The following PCDH15 variants were observed in gnomAD, a reference collection of about 807,000 sequenced individuals.
PCDH15 encodes the protein protocadherin related 15.
PCDH15 carries 129 observed loss-of-function variants against 178.5 expected under a neutral mutation model. That is an observed-to-expected ratio of 0.72 (90% CI 0.63 to 0.84). The LOEUF is 0.84. PCDH15 is among the 40% of genes least tolerant of loss of function. The pLI, the probability that PCDH15 is intolerant of heterozygous loss-of-function variation, is 0.00. For missense variants in PCDH15, 2,230 were observed against 2,099.9 expected (o/e 1.06, Z -1.21); for synonymous variants, 800 against 732.0 (o/e 1.09, Z -1.50).
chr10:53,870,796 T>C (rs1313539341), intron 26 of PCDH15, among the ~76,000 whole-genome samples: 1 of 152,194 alleles, frequency 6.6e-6, no homozygotes, highest in African/African-American at 2.4e-5. Context: ...ATGTTCTTTC[T>C]ATAAAATCAA....
chr10:55,549,992 T>G (rs1841972165), intron 2 of PCDH15, among the ~76,000 whole-genome samples: 1 of 152,070 alleles, frequency 6.6e-6, no homozygotes, highest in African/African-American at 2.4e-5. Context: ...TCTCTAAGAC[T>G]CAATGATTTT....
chr10:55,623,314 G>T (rs1295407881), intron 2 of PCDH15, among the ~76,000 whole-genome samples: 1 of 152,080 alleles, frequency 6.6e-6, no homozygotes, highest in Non-Finnish European at 1.5e-5. Flanking sequence ...GGTTGTAGTG[G>T]TTTTTTTGTT....
At chr10:54,863,468 G>C (rs1449303593) in intron 3 of PCDH15, among the ~76,000 whole-genome samples, 1 of 152,170 alleles carries the variant, frequency 6.6e-6, no homozygotes, top group Non-Finnish European at 1.5e-5. Context: ...CGTGAACCCA[G>C]GAGGCGGAGC....
chr10:53,846,023 T>TACACACACACACACAC (rs71461206), intron 28 of PCDH15, among the ~76,000 whole-genome samples: 147 of 147,142 alleles, frequency 1.0e-3, no homozygotes, highest in East Asian at 4.5e-3. Flanking sequence ...TGTATGTGTA[T>TACACACACACACACAC]ACACACACAC....
intron 1 of PCDH15, among the ~76,000 whole-genome samples, chr10:55,231,292 G>T (rs1022133452): frequency 6.6e-6 from 1 of 151,894 alleles, no homozygotes; most frequent in Non-Finnish European, 1.5e-5. Context: ...TTTTGTTGAA[G>T]GAGAATAAAA....
chr10:54,837,491 A>G (rs188638349), intron 3 of PCDH15, among the ~76,000 whole-genome samples: 226 of 152,338 alleles, frequency 1.5e-3, no homozygotes, highest in Middle Eastern at 6.8e-3. Flanking sequence ...CCTGGAAATT[A>G]TGATCACAAA....
intron 1 of PCDH15, among the ~76,000 whole-genome samples, chr10:54,728,840 T>C (rs917724929): frequency 6.6e-6 from 1 of 151,320 alleles, no homozygotes; most frequent in Non-Finnish European, 1.5e-5. Flanking sequence ...TGCAAATAAA[T>C]AAAATACCTA....
intron 2 of PCDH15, among the ~76,000 whole-genome samples, chr10:55,107,484 CTTTTTTTTTTTTTT>C (rs11290952): frequency 3.5e-5 from 3 of 86,246 alleles, no homozygotes; most frequent in African/African-American, 1.1e-4. Flanking sequence ...ATTCTCTTTC[CTTTTTTTTTTTTTT>C]TTTTTTTTTT....
At chr10:54,577,350 C>T (rs1294455860) in intron 2 of PCDH15, among the ~76,000 whole-genome samples, 1 of 151,792 alleles carries the variant, frequency 6.6e-6, no homozygotes, top group Non-Finnish European at 1.5e-5. Context: ...CCTCGGCCTC[C>T]CAAAGTGCTG....
chr10:54,206,308 A>G (rs2050790152), intron 10 of PCDH15, among the ~76,000 whole-genome samples: 1 of 152,160 alleles, frequency 6.6e-6, no homozygotes, highest in African/African-American at 2.4e-5. Flanking sequence ...AGATTCTGAA[A>G]ACTCTCACTT....
intron 2 of PCDH15, among the ~76,000 whole-genome samples, chr10:55,365,800 T>A (rs1165910738): frequency 2.6e-5 from 4 of 152,138 alleles, no homozygotes; most frequent in Non-Finnish European, 4.4e-5. Flanking sequence ...CTCTTTCTTT[T>A]GTAAATTGCC....
intron 2 of PCDH15, among the ~76,000 whole-genome samples, chr10:55,346,592 G>C (rs926035416): frequency 4.6e-5 from 7 of 151,842 alleles, no homozygotes; most frequent in African/African-American, 1.7e-4. Context: ...CTGGACCTTT[G>C]CAGTGAATGC....
In PCDH15 at chr10:54,197,537, T is replaced by C. The variant is rs1272473834; in HGVS notation, c.1099-1648A>G. Among the ~76,000 whole-genome samples, 3 of 152,270 alleles carry C rather than the reference T, an allele frequency of 2.0e-5. No homozygotes were observed. The East Asian group carries it at 5.8e-4, about 29-fold the overall frequency. ...AGTTGTATTTTTAAATCAATTAAAA[T>C]GAAAATAAAATATTTGATATTAAAC... On this transcript the variant is annotated intron_variant, in intron 10 of 37. Coordinates refer to ENST00000644397, the MANE Select transcript of PCDH15 (RefSeq NM_001384140.1).
intron 36 of PCDH15, 143 bp from the exon 37 acceptor site, chr10:53,810,807 T>C: frequency 1.3e-6 from 1 of 749,050 alleles, no homozygotes; most frequent in Non-Finnish European, 2.3e-6. Context: ...TGTAAACTAG[T>C]TACAAAACTA....
At chr10:55,042,158 C>G (rs1273814256) in intron 2 of PCDH15, among the ~76,000 whole-genome samples, 6 of 151,938 alleles carry the variant, frequency 3.9e-5, no homozygotes. Context: ...AGATGAGACT[C>G]TAGGAAATTC....
chr10:55,081,810 C>T (rs1842047549), intron 2 of PCDH15, among the ~76,000 whole-genome samples: 1 of 152,078 alleles, frequency 6.6e-6, no homozygotes, highest in Admixed American at 6.6e-5. Flanking sequence ...TTTGTTATAG[C>T]AGGCTGAATG....
At chr10:54,807,521 C>T (rs1431953450) in intron 3 of PCDH15, among the ~76,000 whole-genome samples, 2 of 151,596 alleles carry the variant, frequency 1.3e-5, no homozygotes, top group South Asian at 2.1e-4. Flanking sequence ...TTGCTAGGAA[C>T]TTGGGAACTT....
chr10:55,321,331 G>T (rs555397052), upstream of PCDH15, among the ~76,000 whole-genome samples: 11 of 152,140 alleles, frequency 7.2e-5, no homozygotes, highest in African/African-American at 2.6e-4. Context: ...AAATGTCCAA[G>T]AAATATGAGA....
intron 2 of PCDH15, among the ~76,000 whole-genome samples, chr10:55,616,911 A>G (rs1006906283): frequency 1.3e-5 from 2 of 152,126 alleles, no homozygotes; most frequent in Admixed American, 6.6e-5. Flanking sequence ...TAGAATATAC[A>G]TTAAGTACAT....
Sources: gnomAD v4.1 joint callset for allele counts (sites outside exome capture counted in the v4.1 genomes callset) on GRCh38, gnomAD v4.1.1 for gene constraint, MANE v1.5 for transcripts, NCBI Gene and HGNC (gene_info 2026-07-23, HGNC 2026-07-21) for gene names.